DTNBP1: variants seen among roughly 807,000 people sequenced by gnomAD.
DTNBP1 encodes dysbindin.
In DTNBP1, 35 loss-of-function variants were observed where a neutral mutation model predicts 42.8. That is an observed-to-expected ratio of 0.82 (90% CI 0.63 to 1.09). The LOEUF is 1.09. DTNBP1 is among the 50% of genes least tolerant of loss of function. DTNBP1 has a pLI of 0.00. For missense variants in DTNBP1, 457 were observed against 424.2 expected (o/e 1.08, Z -0.68); for synonymous variants, 171 against 162.2 (o/e 1.05, Z -0.41).
At chr6:15,533,109 G>T in intron 8 of DTNBP1, 131 bp downstream of exon 8, 2 of 1,393,412 alleles carry the variant, frequency 1.4e-6, no homozygotes, top group Non-Finnish European at 2.0e-6. Context: ...CACACATTTT[G>T]GTTGCTGGGG....
rs1275440417 is a variant in DTNBP1 at position 15,627,804 on chromosome 6, A to C, written c.223-329T>G. On this transcript the variant is annotated intron_variant, in intron 4 of 9. Transcript: ENST00000344537. Reference sequence around the variant, plus strand: ...AGCTAAATCTAGAAAAAAAAAAAACAAAAACAAAAAACTACCACTAACAAC... The same window carrying C: ...AGCTAAATCTAGAAAAAAAAAAAACCAAAACAAAAAACTACCACTAACAAC... Among the ~76,000 whole-genome samples, 5 of 151,508 alleles carry C rather than the reference A, an allele frequency of 3.3e-5. No individual in the cohort carries two copies. In the East Asian group the frequency reaches 9.7e-4, roughly 29 times the overall value.
chr6:15,627,233 C>G, intron 5 of DTNBP1, 110 bp downstream of exon 5: 2 of 1,418,030 alleles, frequency 1.4e-6, no homozygotes, highest in Non-Finnish European at 1.9e-6. Flanking sequence ...CCAAAAAATC[C>G]TGTTAACCCA....
intron 9 of DTNBP1, 196 bp from the exon 10 acceptor site, chr6:15,523,415 C>T (rs916468587): frequency 1.2e-4 from 148 of 1,235,982 alleles, no homozygotes; most frequent in African/African-American, 2.7e-4. Flanking sequence ...TCAGGCCCTG[C>T]GGTGACCCTT....
At chr6:15,625,137 C>T (rs751003025) in intron 5 of DTNBP1, among the ~76,000 whole-genome samples, 6 of 152,146 alleles carry the variant, frequency 3.9e-5, no homozygotes, top group African/African-American at 7.2e-5. Flanking sequence ...CTATCTTCCA[C>T]AGTCATTCAT....
Position 15,524,507 on chromosome 6 carries a change from G to T in DTNBP1, c.811+19C>A. ...TCGATACTGCCCTGGTTCAGCTAATGCAAGTTTGTCAACCCTACCTAAGGC... is the reference window on the plus strand; with the variant it reads ...TCGATACTGCCCTGGTTCAGCTAATTCAAGTTTGTCAACCCTACCTAAGGC... On this transcript the variant is annotated intron_variant, in intron 9 of 9. Transcript: ENST00000344537. 1 of 1,608,930 alleles carries T rather than the reference G, an allele frequency of 6.2e-7. No individual in the cohort carries two copies. The highest frequency in any genetic ancestry group is 2.2e-5 in the East Asian group (1 of 44,770).
intron 1 of DTNBP1, among the ~76,000 whole-genome samples, 168 bp from the exon 2 acceptor site, chr6:15,652,308 T>C (rs891629064): frequency 1.3e-5 from 2 of 152,050 alleles, no homozygotes; most frequent in African/African-American, 4.8e-5. Context: ...TCCTCCTGAG[T>C]AGCTGGGACT....
At chr6:15,607,458 T>C (rs1265937013) in intron 6 of DTNBP1, among the ~76,000 whole-genome samples, 2 of 151,600 alleles carry the variant, frequency 1.3e-5, no homozygotes, top group Non-Finnish European at 2.9e-5. Context: ...TGCAACACCA[T>C]GCCCAGCTAA....
chr6:15,551,723 T>G (rs1774221103), intron 7 of DTNBP1, among the ~76,000 whole-genome samples: 1 of 152,232 alleles, frequency 6.6e-6, no homozygotes, highest in African/African-American at 2.4e-5. Flanking sequence ...GCAAGCACTG[T>G]GTCTTTCAAC....
At chr6:15,650,405 C>T (rs377595335) in intron 3 of DTNBP1, among the ~76,000 whole-genome samples, 1 of 151,886 alleles carries the variant, frequency 6.6e-6, no homozygotes, top group Non-Finnish European at 1.5e-5. Flanking sequence ...GCCTCAGCCC[C>T]GAGTAGCTAG....
chr6:15,582,901 T>C (rs573359998), intron 7 of DTNBP1, among the ~76,000 whole-genome samples: 3 of 152,376 alleles, frequency 2.0e-5, no homozygotes, highest in African/African-American at 7.2e-5. Flanking sequence ...AATGCTTCTT[T>C]AGTTATTTCC....
intron 7 of DTNBP1, among the ~76,000 whole-genome samples, chr6:15,574,826 CAA>C (rs970196038): frequency 2.0e-5 from 3 of 152,176 alleles, no homozygotes; most frequent in Admixed American, 6.5e-5. Context: ...TCAATTAAAA[CAA>C]AGTGTCCCAG....
At chr6:15,622,278 C>T (rs993249101) in intron 5 of DTNBP1, among the ~76,000 whole-genome samples, 1 of 152,122 alleles carries the variant, frequency 6.6e-6, no homozygotes, top group Admixed American at 6.6e-5. Flanking sequence ...GTCACATTAT[C>T]AGTGACTTAA....
chr6:15,523,419 G>T (rs969302562), intron 9 of DTNBP1, 200 bp from the exon 10 acceptor site: 17 of 1,249,352 alleles, frequency 1.4e-5, no homozygotes, highest in Middle Eastern at 2.9e-4. Flanking sequence ...GCCCTGCGGT[G>T]ACCCTTCTGT....
intron 8 of DTNBP1, among the ~76,000 whole-genome samples, chr6:15,527,102 T>C (rs1032243155): frequency 3.3e-5 from 5 of 152,222 alleles, no homozygotes; most frequent in African/African-American, 9.6e-5. Context: ...TGTATTAATA[T>C]CAAAATAGAT....
intron 3 of DTNBP1, among the ~76,000 whole-genome samples, chr6:15,648,427 G>C (rs1039062023): frequency 6.6e-6 from 1 of 151,732 alleles, no homozygotes; most frequent in Non-Finnish European, 1.5e-5. Flanking sequence ...AGAAATAAAA[G>C]GTATTCAAAT....
chr6:15,579,113 C>T (rs1775708314), intron 7 of DTNBP1, among the ~76,000 whole-genome samples: 1 of 152,158 alleles, frequency 6.6e-6, no homozygotes, highest in Non-Finnish European at 1.5e-5. Context: ...TCTTGCAGCA[C>T]TATTTACAAA....
At position 15,524,491 on chromosome 6, in the gene DTNBP1, C is replaced by T. The variant is rs747297463; in HGVS notation, c.811+35G>A. The T allele has an allele frequency of 1.4e-5, 23 of 1,610,822 alleles. No individual in the cohort carries two copies. In the East Asian group the frequency reaches 4.2e-4, roughly 30 times the overall value. On this transcript the variant is annotated intron_variant, in intron 9 of 9. Transcript: ENST00000344537. The stretch of plus-strand genomic sequence containing the variant: ...TTGGAGGGGAGTGGCATCGATACTG[C>T]CCTGGTTCAGCTAATGCAAGTTTGT...
rs1404307724 is a variant in DTNBP1 at position 15,603,359 on chromosome 6, G to C, written c.489-10278C>G. Among the ~76,000 whole-genome samples, 3 of 152,216 alleles carry C rather than the reference G, an allele frequency of 2.0e-5. No individual in the cohort carries two copies. In the South Asian group the frequency reaches 6.2e-4, roughly 32 times the overall value. On this transcript the variant is annotated intron_variant, in intron 6 of 9. Transcript: ENST00000344537. The stretch of plus-strand genomic sequence containing the variant: ...TAAAATCTAGCATCTAATAGGGAGA[G>C]GGGGGAGTAAAAGGAGAAAATGGAG...
intron 3 of DTNBP1, 58 bp downstream of exon 3, chr6:15,651,255 A>AT: frequency 6.7e-7 from 1 of 1,485,166 alleles, no homozygotes; most frequent in Non-Finnish European, 9.4e-7. Context: ...ATTAAAAGAT[A>AT]TTTTTGGTCA....
Sources: gnomAD v4.1 joint callset for allele counts (sites outside exome capture counted in the v4.1 genomes callset) on GRCh38, gnomAD v4.1.1 for gene constraint, MANE v1.5 for transcripts, NCBI Gene and HGNC (gene_info 2026-07-23, HGNC 2026-07-21) for gene names.